The following DLGAP4 variants were observed in gnomAD, a reference collection of about 807,000 sequenced individuals.
DLGAP4 encodes disks large-associated protein 4.
A neutral mutation model predicts 86.9 loss-of-function variants in DLGAP4; 18 were observed. That is an observed-to-expected ratio of 0.21 (90% CI 0.14 to 0.31). DLGAP4 has a LOEUF of 0.31. Ranked by LOEUF, DLGAP4 falls within the 10% of genes least tolerant of loss-of-function variation. The pLI, the probability that DLGAP4 is intolerant of heterozygous loss-of-function variation, is 1.00. For synonymous variants in DLGAP4, 548 were observed against 574.3 expected (o/e 0.95, Z 0.65); for missense variants, 1,085 against 1,362.6 (o/e 0.80, Z 3.21).
intron 1 of DLGAP4, among the ~76,000 whole-genome samples, chr20:36,348,240 G>A (rs1224025226): frequency 2.0e-5 from 3 of 152,186 alleles, no homozygotes; most frequent in Non-Finnish European, 4.4e-5. Flanking sequence ...GGAGATATGG[G>A]GGGACAATTA....
At chr20:36,410,102 T>C (rs974230027) in intron 2 of DLGAP4, among the ~76,000 whole-genome samples, 30 of 152,124 alleles carry the variant, frequency 2.0e-4, no homozygotes, top group Admixed American at 7.2e-4. Context: ...TCCTAGTTTA[T>C]TGGGTACCCT....
Position 36,346,936 on chromosome 20 carries a change from G to C in DLGAP4, c.-303-20109G>C, listed in dbSNP as rs28481498. 5.8e-3 allele frequency among the ~76,000 whole-genome samples: 889 copies of C among 152,346 alleles called. 9 individuals carry two copies. Among genetic ancestry groups the C allele is most frequent in the African/African-American group, 0.02 (832 of 41,578 alleles). On this transcript the variant is annotated intron_variant, in intron 1 of 12. Coordinates refer to ENST00000339266, the MANE Select transcript of DLGAP4 (RefSeq NM_001365621.2). ...CTTCAGTACCTCGGCCCAAGACAGA[G>C]ACTTCGGTGGTGGAAACTTGGGCAG...
chr20:36,413,001 A>G (rs1168334115), intron 2 of DLGAP4, among the ~76,000 whole-genome samples: 2 of 138,982 alleles, frequency 1.4e-5, no homozygotes, highest in Non-Finnish European at 3.1e-5. Context: ...TTTTTTTGGA[A>G]CAGAGTCTCA....
intron 7 of DLGAP4, among the ~76,000 whole-genome samples, chr20:36,454,088 T>C (rs1453046135): frequency 6.6e-6 from 1 of 151,616 alleles, no homozygotes; most frequent in Non-Finnish European, 1.5e-5. Context: ...ATGGCCAACA[T>C]GGCAAAACCC....
At chr20:36,418,933 T>C (rs894386433) in intron 2 of DLGAP4, among the ~76,000 whole-genome samples, 3 of 152,054 alleles carry the variant, frequency 2.0e-5, no homozygotes, top group Admixed American at 2.0e-4. Flanking sequence ...CTGTCTTAGA[T>C]GGAAGGAATC....
At chr20:36,317,516 T>G (rs1388287244) in intron 1 of DLGAP4, among the ~76,000 whole-genome samples, 1 of 146,386 alleles carries the variant, frequency 6.8e-6, no homozygotes, top group African/African-American at 2.5e-5. Context: ...TACAGTGACA[T>G]GATCATAGCT....
At chr20:36,436,456 G>T (rs2033281395) in intron 4 of DLGAP4, 106 bp downstream of exon 4, 5 of 1,422,942 alleles carry the variant, frequency 3.5e-6, no homozygotes, top group Non-Finnish European at 4.6e-6. Flanking sequence ...CCCCGCCTGC[G>T]TGGGAGCCAC....
At position 36,436,218 on chromosome 20, in the gene DLGAP4, T is replaced by C; in HGVS notation, c.1109T>C (p.Ile370Thr). The C allele has an allele frequency of 8.1e-6, 13 of 1,604,886 alleles. No individual in the cohort carries two copies. Among genetic ancestry groups the C allele is most frequent in the Non-Finnish European group, 1.1e-5 (13 of 1,179,332 alleles). Residue 370 changes from isoleucine to threonine, a missense_variant, in exon 4 of 13, where the codon ATC becomes ACC. Around this residue, in one of 2 missense-constraint regions of DLGAP4, gnomAD observed 1,082 missense variants for 1,344.1 expected, o/e 0.81. Coordinates refer to ENST00000339266, the MANE Select transcript of DLGAP4 (RefSeq NM_001365621.2). The stretch of plus-strand genomic sequence containing the variant: ...CGGCGCATGCGCAGCGGCAGCTACA[T>C]CAAGGCCATGGGCGACGAGGACAGC... ...PCRRMRSGSY[I>T]KAMGDEDSDE...
intron 7 of DLGAP4, among the ~76,000 whole-genome samples, chr20:36,496,169 G>A (rs1031257275): frequency 1.3e-5 from 2 of 152,058 alleles, no homozygotes; most frequent in African/African-American, 4.8e-5. Context: ...ACTGCGCCCG[G>A]CCAGATGTGT....
At chr20:36,375,820 C>A (rs2031130680) in intron 2 of DLGAP4, among the ~76,000 whole-genome samples, 1 of 152,120 alleles carries the variant, frequency 6.6e-6, no homozygotes. Context: ...AAGGCTGGAG[C>A]TTAAAAGGCC....
At chr20:36,466,496 G>T (rs1188550039) in intron 7 of DLGAP4, among the ~76,000 whole-genome samples, 1 of 152,206 alleles carries the variant, frequency 6.6e-6, no homozygotes, top group Admixed American at 6.5e-5. Flanking sequence ...CAGGAATGAA[G>T]TCTAGTCCTT....
chr20:36,380,076 A>AG (rs2031316043), intron 2 of DLGAP4, among the ~76,000 whole-genome samples: 1 of 151,940 alleles, frequency 6.6e-6, no homozygotes, highest in South Asian at 2.1e-4. Context: ...TCACCTGCTC[A>AG]GGGGACTGTG....
At chr20:36,516,181 A>G (rs562886968) in intron 10 of DLGAP4, among the ~76,000 whole-genome samples, 7 of 152,214 alleles carry the variant, frequency 4.6e-5, no homozygotes, top group African/African-American at 1.7e-4. Context: ...ATTCCAGGCT[A>G]TGTGCCCAGT....
chr20:36,419,370 A>T (rs2032758345), intron 2 of DLGAP4, among the ~76,000 whole-genome samples: 1 of 151,904 alleles, frequency 6.6e-6, no homozygotes, highest in African/African-American at 2.4e-5. Flanking sequence ...GCCTCAAGTG[A>T]TCTTCCTGCT....
At chr20:36,387,112 C>G (rs2031626123) in intron 2 of DLGAP4, among the ~76,000 whole-genome samples, 1 of 152,182 alleles carries the variant, frequency 6.6e-6, no homozygotes, top group Non-Finnish European at 1.5e-5. Context: ...AAGTGCCCTC[C>G]AAGGTAATTA....
At chr20:36,480,992 AGACT>A in intron 7 of DLGAP4, among the ~76,000 whole-genome samples, 1 of 152,234 alleles carries the variant, frequency 6.6e-6, no homozygotes, top group African/African-American at 2.4e-5. Flanking sequence ...GATGACAGTG[AGACT>A]GTCTCAAAAA....
At chr20:36,388,311 C>G (rs1041623975) in intron 2 of DLGAP4, among the ~76,000 whole-genome samples, 2 of 152,238 alleles carry the variant, frequency 1.3e-5, no homozygotes, top group African/African-American at 4.8e-5. Flanking sequence ...GCAAGGCAGC[C>G]CACTCCTTTG....
chr20:36,522,172 G>C (rs988847633), intron 10 of DLGAP4, among the ~76,000 whole-genome samples: 2 of 152,034 alleles, frequency 1.3e-5, no homozygotes, highest in African/African-American at 4.8e-5. Flanking sequence ...TTGTTTTTGA[G>C]ACAGGGTCTT....
chr20:36,330,660 C>T (rs1368072448), intron 1 of DLGAP4, among the ~76,000 whole-genome samples: 2 of 150,498 alleles, frequency 1.3e-5, no homozygotes, highest in Non-Finnish European at 3.0e-5. Context: ...GCAACCTATG[C>T]CTCCCGGATT....
Sources: gnomAD v4.1 joint callset for allele counts (sites outside exome capture counted in the v4.1 genomes callset) on GRCh38, gnomAD v4.1.1 for gene constraint, gnomAD v4.1.1 regional missense constraint, MANE v1.5 for transcripts, NCBI Gene and HGNC (gene_info 2026-07-23, HGNC 2026-07-21) for gene names.